PCDH7: variants seen among roughly 807,000 people sequenced by gnomAD.
PCDH7 encodes protocadherin 7.
A neutral mutation model predicts 58.9 loss-of-function variants in PCDH7; 17 were observed. The ratio of observed to expected loss-of-function variants is 0.29; its 90% confidence interval spans 0.20 to 0.43. PCDH7 has a LOEUF of 0.43. Ranked by LOEUF, PCDH7 falls within the 20% of genes least tolerant of loss-of-function variation. PCDH7 has a pLI of 1.00. For synonymous variants in PCDH7, 664 were observed against 616.4 expected (o/e 1.08, Z -1.14); for missense variants, 1,274 against 1,441.0 (o/e 0.88, Z 1.88).
intron 1 of PCDH7, among the ~76,000 whole-genome samples, chr4:30,865,853 T>A (rs754608893): frequency 2.6e-5 from 4 of 152,056 alleles, no homozygotes; most frequent in Admixed American, 6.6e-5. Context: ...TTTTTGACCC[T>A]TGAATCACAT....
chr4:31,003,304 A>G (rs1345749941), intron 3 of PCDH7, among the ~76,000 whole-genome samples: 1 of 152,112 alleles, frequency 6.6e-6, no homozygotes, highest in Non-Finnish European at 1.5e-5. Context: ...TCTTACCAAG[A>G]AATTTTATGT....
At position 31,122,727 on chromosome 4, in the gene PCDH7, C is replaced by CT. The variant is rs142078415; in HGVS notation, c.*8-19738dup. Among the ~76,000 whole-genome samples the CT allele has an allele frequency of 3.2e-4, 49 of 151,022 alleles. 1 individual carries two copies. Among genetic ancestry groups the CT allele is most frequent in the Middle Eastern group, 3.6e-3 (1 of 280 alleles). On this transcript the variant is annotated intron_variant, in intron 3 of 3. Coordinates refer to the PCDH7 transcript ENST00000509759. ...TCAATTTTACCTTCTTTTAATGTCCCTTTTTTTTAAGTAAATTGGGATTTA... is the reference window on the plus strand; with the variant it reads ...TCAATTTTACCTTCTTTTAATGTCCCTTTTTTTTTAAGTAAATTGGGATTTA...
intron 1 of PCDH7, among the ~76,000 whole-genome samples, chr4:30,863,098 G>A (rs945803911): frequency 1.3e-5 from 2 of 152,070 alleles, no homozygotes; most frequent in East Asian, 1.9e-4. Flanking sequence ...CTCCAAATTC[G>A]TATGTGTTCC....
chr4:30,825,819 C>T (rs1729034089), intron 1 of PCDH7, among the ~76,000 whole-genome samples: 2 of 152,040 alleles, frequency 1.3e-5, no homozygotes, highest in South Asian at 4.1e-4. Flanking sequence ...AATGGCAGGT[C>T]AGACTAGGCC....
intron 3 of PCDH7, among the ~76,000 whole-genome samples, chr4:31,045,134 C>G (rs1209327028): frequency 6.6e-6 from 1 of 151,598 alleles, no homozygotes; most frequent in Non-Finnish European, 1.5e-5. Context: ...GGTGGTGACA[C>G]AGAAATTACT....
intron 3 of PCDH7, among the ~76,000 whole-genome samples, chr4:30,954,380 C>A (rs1747642796): frequency 6.6e-6 from 1 of 151,968 alleles, no homozygotes; most frequent in African/African-American, 2.4e-5. Flanking sequence ...TGACTTTGTA[C>A]AATATTCTCA....
intron 1 of PCDH7, among the ~76,000 whole-genome samples, chr4:30,868,534 G>T (rs1372413282): frequency 6.6e-6 from 1 of 151,908 alleles, no homozygotes. Context: ...ACTTCTGTTT[G>T]TAATGGCAAT....
intron 1 of PCDH7, among the ~76,000 whole-genome samples, chr4:30,818,635 A>G (rs1465707549): frequency 6.6e-6 from 1 of 152,192 alleles, no homozygotes; most frequent in Non-Finnish European, 1.5e-5. Context: ...ATCAGGACTG[A>G]CTAGGAGGAT....
chr4:30,783,767 A>G (rs2109291721), intron 1 of PCDH7, among the ~76,000 whole-genome samples: 1 of 152,326 alleles, frequency 6.6e-6, no homozygotes, highest in South Asian at 2.1e-4. Flanking sequence ...AAGAAGGTCT[A>G]GAGAAGGTAA....
intron 1 of PCDH7, among the ~76,000 whole-genome samples, chr4:30,842,320 A>T (rs1731320638): frequency 6.6e-6 from 1 of 152,168 alleles, no homozygotes; most frequent in Non-Finnish European, 1.5e-5. Context: ...ACATAGTAAG[A>T]TAAATTTGAA....
At chr4:31,006,315 C>G (rs925459634) in intron 3 of PCDH7, among the ~76,000 whole-genome samples, 5 of 151,896 alleles carry the variant, frequency 3.3e-5, no homozygotes, top group African/African-American at 1.2e-4. Context: ...TTTTAAAGCA[C>G]AAATGCACAA....
intron 2 of PCDH7, among the ~76,000 whole-genome samples, chr4:30,940,264 AT>A (rs1410996395): frequency 6.6e-6 from 1 of 151,970 alleles, no homozygotes; most frequent in Non-Finnish European, 1.5e-5. Flanking sequence ...TTTAAAAAAA[AT>A]TATCACACTT....
intron 3 of PCDH7, among the ~76,000 whole-genome samples, chr4:31,032,668 A>AGGG (rs1755042581): frequency 4.2e-5 from 3 of 71,174 alleles, no homozygotes; most frequent in Non-Finnish European, 8.7e-5. Flanking sequence ...GGAAGGAAGG[A>AGGG]AGGGAGGGAG....
At chr4:31,120,195 T>C (rs980156144) in intron 3 of PCDH7, among the ~76,000 whole-genome samples, 2 of 152,050 alleles carry the variant, frequency 1.3e-5, no homozygotes, top group African/African-American at 2.4e-5. Flanking sequence ...ATTACCTTTC[T>C]CTATTTTATT....
chr4:31,034,817 AT>A (rs149268386), intron 3 of PCDH7, among the ~76,000 whole-genome samples: 6,053 of 152,222 alleles, frequency 0.04, 371 homozygotes, highest in East Asian at 0.32. Context: ...TTTAAAAAAA[AT>A]AATAGAACTT....
At chr4:30,837,915 AT>A (rs1465592848) in intron 1 of PCDH7, among the ~76,000 whole-genome samples, 26 of 148,714 alleles carry the variant, frequency 1.7e-4, no homozygotes, top group African/African-American at 6.4e-4. Context: ...ATATATATAT[AT>A]AACATTATTG....
intron 1 of PCDH7, among the ~76,000 whole-genome samples, chr4:30,851,674 T>C (rs981645050): frequency 6.6e-6 from 1 of 152,084 alleles, no homozygotes; most frequent in Non-Finnish European, 1.5e-5. Flanking sequence ...AGACCTCTTA[T>C]TCTACCTTCT....
intron 1 of PCDH7, among the ~76,000 whole-genome samples, chr4:30,861,064 AG>A (rs1734133450): frequency 6.6e-6 from 1 of 152,202 alleles, no homozygotes; most frequent in Non-Finnish European, 1.5e-5. Flanking sequence ...TTGGCAATTA[AG>A]AAAAGATGAT....
chr4:30,893,096 A>G (rs1000430984), intron 1 of PCDH7, among the ~76,000 whole-genome samples: 3 of 152,196 alleles, frequency 2.0e-5, no homozygotes, highest in Non-Finnish European at 2.9e-5. Flanking sequence ...TTCTGAATAC[A>G]TTTTATATGG....
Sources: gnomAD v4.1 joint callset for allele counts (sites outside exome capture counted in the v4.1 genomes callset) on GRCh38, gnomAD v4.1.1 for gene constraint, MANE v1.5 for transcripts, NCBI Gene and HGNC (gene_info 2026-07-23, HGNC 2026-07-21) for gene names.